Variants in HFM1 observed in about 807,000 individuals in gnomAD.
The protein encoded by HFM1 is probable ATP-dependent DNA helicase HFM1.
HFM1 carries 169 observed loss-of-function variants against 192.1 expected under a neutral mutation model. That is an observed-to-expected ratio of 0.88 (90% CI 0.78 to 1.00). The LOEUF (loss-of-function observed/expected upper bound fraction) is 1.00. HFM1 is among the 50% of genes least tolerant of loss of function. The pLI is 0.00. For synonymous variants in HFM1, 525 were observed against 537.8 expected, an observed-to-expected ratio of 0.98 and a Z score of 0.33; for missense variants, 1,661 against 1,668.0, an observed-to-expected ratio of 1.00 and a Z score of 0.07.
chr1:91,383,964 C>A (rs1305712121), intron 6 of HFM1, among the ~76,000 whole-genome samples: 8 of 151,700 alleles, frequency 5.3e-5, no homozygotes, highest in African/African-American at 1.9e-4. Context: ...TATACCTCAA[C>A]AAAGCTGGGG....
At chr1:91,290,513 T>C (rs1181769880) in intron 30 of HFM1, among the ~76,000 whole-genome samples, 1 of 152,162 alleles carries the variant, frequency 6.6e-6, no homozygotes, top group Non-Finnish European at 1.5e-5. Flanking sequence ...ATCCTAAATA[T>C]ATATGCACCC....
chr1:91,329,222 C>A, intron 20 of HFM1: 1 of 1,609,712 alleles, frequency 6.2e-7, no homozygotes, highest in Non-Finnish European at 8.5e-7. Context: ...CTTACCAGCT[C>A]TTCTTGGAAC....
Position 91,385,602 on chromosome 1 carries a change from CTG to C in HFM1, c.725_726del (p.Ser242CysfsTer7). 6.2e-7 allele frequency: 1 copy of C among 1,612,432 alleles called. No individual in the cohort carries two copies. The highest frequency in any genetic ancestry group is 8.5e-7 in the Non-Finnish European group (1 of 1,178,870). On this transcript the variant is annotated frameshift_variant, in exon 5 of 39. Transcript: ENST00000370425. LOFTEE classifies it high-confidence loss of function. Reference sequence around the variant, plus strand: ...TGAATATCATGAGGTTGGAAAGCAACTGAAAAAGATGGTGCTTTGAACATGCC... The same window carrying C: ...TGAATATCATGAGGTTGGAAAGCAACAAAAAGATGGTGCTTTGAACATGCC... ...GEGMFKAPSF[S>X]VAFQPHDIQE...
intron 18 of HFM1, among the ~76,000 whole-genome samples, chr1:91,349,129 A>T (rs1219905357): frequency 6.6e-6 from 1 of 151,992 alleles, no homozygotes; most frequent in East Asian, 1.9e-4. Flanking sequence ...CTCTGCTAAA[A>T]ATAGAAAAAA....
At position 91,316,084 on chromosome 1, in the gene HFM1, A is replaced by C; in HGVS notation, c.2982+17T>G. ...CTGAAAAGACAATAAAATATCTAAG[A>C]AACAGAAAATATTTACCTGTTCCAC... is the stretch of plus-strand genomic sequence containing the variant. On this transcript the variant is annotated intron_variant, in intron 27 of 38. Coordinates refer to ENST00000370425, the MANE Select transcript of HFM1 (RefSeq NM_001017975.6). 1 of 1,527,096 alleles carries C rather than the reference A, an allele frequency of 6.5e-7. No individual in the cohort carries two copies. The highest frequency in any genetic ancestry group is 9.0e-7 in the Non-Finnish European group (1 of 1,108,752). The allele number at this position is 1,527,096 out of a possible 1,614,324, so 94.6% of individuals were successfully genotyped here.
At chr1:91,307,768 A>C (rs1649854883) in intron 30 of HFM1, among the ~76,000 whole-genome samples, 1 of 152,094 alleles carries the variant, frequency 6.6e-6, no homozygotes, top group South Asian at 2.1e-4. Context: ...TATTCATTTT[A>C]ATTCAGGCTG....
At chr1:91,373,724 C>A (rs1335753246) in intron 13 of HFM1, among the ~76,000 whole-genome samples, 1 of 151,954 alleles carries the variant, frequency 6.6e-6, no homozygotes, top group Non-Finnish European at 1.5e-5. Flanking sequence ...CTGTAAGCAG[C>A]CCAAGGCCTC....
At chr1:91,336,084 G>T in intron 20 of HFM1, among the ~76,000 whole-genome samples, 1 of 147,726 alleles carries the variant, frequency 6.8e-6, no homozygotes, top group African/African-American at 2.5e-5. Flanking sequence ...CTTCTTGCAA[G>T]CTAAGATCCT....
chr1:91,401,170 G>T, intron 1 of HFM1, 61 bp from the exon 2 acceptor site: 3 of 743,306 alleles, frequency 4.0e-6, no homozygotes, highest in Non-Finnish European at 6.5e-6. Flanking sequence ...AAATATTTCT[G>T]TATAATCACT....
rs72964502 is a variant in HFM1 at position 91,273,713 on chromosome 1, T to C, written c.3771A>G (p.Lys1257=). 4.7e-4 allele frequency: 709 copies of C among 1,503,762 alleles called. 1 individual carries two copies. The African/African-American group carries it at 7.9e-3, about 17-fold the overall frequency. The allele number at this position is 1,503,762 out of a possible 1,614,324, so 93.2% of individuals were successfully genotyped here. A position where few individuals can be genotyped will look rare whatever the true frequency, so the allele number is the denominator to read the frequency against. The change falls in exon 34 of 39, where the codon AAA becomes AAG. Residue 1257 remains lysine, a splice_region_variant and synonymous_variant. Coordinates refer to ENST00000370425, the MANE Select transcript of HFM1 (RefSeq NM_001017975.6). Reference sequence around the variant, plus strand: ...AAGTAAGTATCAATGGTAATTTACCTTTGTCTTGATATTCAGATGGTTCTT... The same window carrying C: ...AAGTAAGTATCAATGGTAATTTACCCTTGTCTTGATATTCAGATGGTTCTT... ...VRQEPSEYQD[K]EVLNVNFELG...
chr1:91,262,278 T>TA lies in HFM1; in HGVS notation c.4200dup (p.Ile1401TyrfsTer2), dbSNP rs766204131. ...TCCTTTTTACATTCACTGTTTCTAA[T>TA]AAAAAAATCCACTTTTTTATAATTT... On this transcript the variant is annotated frameshift_variant, in exon 38 of 39. Coordinates refer to ENST00000370425, the MANE Select transcript of HFM1 (RefSeq NM_001017975.6). LOFTEE classifies it high-confidence loss of function. 41 of 1,451,758 alleles carry TA rather than the reference T, an allele frequency of 2.8e-5. No homozygotes were observed. Among genetic ancestry groups the TA allele is most frequent in the Middle Eastern group, 1.8e-4 (1 of 5,432 alleles). 89.9% of individuals were successfully genotyped at this position (1,451,758 alleles called of 1,614,324 possible).
In HFM1 at chr1:91,401,119, A is replaced by G; in HGVS notation, c.-27-10T>C. 1 of 1,151,114 alleles carries G rather than the reference A, an allele frequency of 8.7e-7. No homozygotes were observed. Among genetic ancestry groups the G allele is most frequent in the Non-Finnish European group, 1.3e-6 (1 of 798,164 alleles). 71.3% of individuals were successfully genotyped at this position (1,151,114 alleles called of 1,614,324 possible). On this transcript the variant is annotated splice_polypyrimidine_tract_variant and intron_variant, in intron 1 of 38. Coordinates refer to ENST00000370425, the MANE Select transcript of HFM1 (RefSeq NM_001017975.6). ...GGACTTTGTCATAAATCTACAAAAT[A>G]TGGAAAAAGTAGTTTATATTTTATT...
At chr1:91,403,101 A>G (rs1257040738) in intron 1 of HFM1, among the ~76,000 whole-genome samples, 1 of 151,994 alleles carries the variant, frequency 6.6e-6, no homozygotes, top group African/African-American at 2.4e-5. Flanking sequence ...ATTCCGCATT[A>G]TTTTTCTTCA....
chr1:91,283,201 G>T (rs560630194), intron 30 of HFM1, among the ~76,000 whole-genome samples: 1 of 152,130 alleles, frequency 6.6e-6, no homozygotes, highest in African/African-American at 2.4e-5. Context: ...TAAGCTTACA[G>T]ATATTGGTAA....
intron 30 of HFM1, among the ~76,000 whole-genome samples, chr1:91,292,188 G>C (rs1570814013): frequency 6.6e-6 from 1 of 151,328 alleles, no homozygotes; most frequent in East Asian, 1.9e-4. Flanking sequence ...CATAGTGTTG[G>C]AAGTTCTGGC....
chr1:91,385,789 A>T lies in HFM1; in HGVS notation c.540T>A (p.Asn180Lys), dbSNP rs1191131774. 3 of 1,607,722 alleles carry T rather than the reference A, an allele frequency of 1.9e-6. No individual in the cohort carries two copies. The highest frequency in any genetic ancestry group is 2.7e-5 in the African/African-American group (2 of 74,754). The change falls in exon 5 of 39, where the codon AAT becomes AAA. Residue 180 changes from asparagine to lysine, a missense_variant. Physicochemically the swap from Asn to Lys is moderately conservative, Grantham distance 94. Coordinates refer to ENST00000370425, the MANE Select transcript of HFM1 (RefSeq NM_001017975.6). ...CAATGTGAGAGTCCAATTCATTGTC[A>T]TTAGAATAAGCACTCCCATGTATAT... ...SDNIHGSAYS[N>K]DNELDSHIGS...
chr1:91,400,480 C>CTTTTTTTTTTTTTTTTTTTT, intron 2 of HFM1, among the ~76,000 whole-genome samples: 1 of 139,062 alleles, frequency 7.2e-6, no homozygotes, highest in Non-Finnish European at 1.6e-5. Flanking sequence ...AGGCAAGAAT[C>CTTTTTTTTTTTTTTTTTTTT]TTTTTTTTTT....
chr1:91,333,652 C>T (rs1654146132), intron 20 of HFM1, among the ~76,000 whole-genome samples: 1 of 152,044 alleles, frequency 6.6e-6, no homozygotes, highest in African/African-American at 2.4e-5. Context: ...AGGATAAATA[C>T]TTGAGGGGAT....
rs1466938761 is a variant in HFM1 at position 91,264,359 on chromosome 1, G to GTTTTTTTTTTTT, written c.3974+1657_3974+1658insAAAAAAAAAAAA. On this transcript the variant is annotated intron_variant, in intron 36 of 38. Transcript: ENST00000370425. ...AATTCCAAGGGATACCACAAATTTA[G>GTTTTTTTTTTTT]TATTTTTTTTTTTTTTTTTTTTTTT... is the stretch of plus-strand genomic sequence containing the variant. Among the ~76,000 whole-genome samples, 9 of 54,076 alleles carry GTTTTTTTTTTTT rather than the reference G, an allele frequency of 1.7e-4. 1 individual carries two copies. Among genetic ancestry groups the GTTTTTTTTTTTT allele is most frequent in the Middle Eastern group, 8.3e-3 (1 of 120 alleles). The allele number at this position is 54,076 out of a possible 152,430, so 35.5% of individuals were successfully genotyped here.
Sources: allele counts gnomAD v4.1 joint callset (sites outside exome capture counted in the v4.1 genomes callset), GRCh38; gene constraint gnomAD v4.1.1; transcripts MANE v1.5; gene names NCBI Gene and HGNC (gene_info 2026-07-23, HGNC 2026-07-21).